The following MBNL2 variants were observed in gnomAD, a reference collection of about 807,000 sequenced individuals.
MBNL2 encodes muscleblind like splicing regulator 2.
A neutral mutation model predicts 41.9 loss-of-function variants in MBNL2; 17 were observed. The ratio of observed to expected loss-of-function variants is 0.41; its 90% CI spans 0.28 to 0.61. The LOEUF is 0.61. MBNL2 is among the 20% of genes least tolerant of loss of function. The probability of loss-of-function intolerance (pLI) is 0.35; values close to 1 mark genes in which losing one functional copy is unlikely to be tolerated. For missense variants in MBNL2, 336 were observed against 505.6 expected, an observed-to-expected ratio of 0.66 and a Z score of 3.22; for synonymous variants, 195 against 182.9, an observed-to-expected ratio of 1.07 and a Z score of -0.53.
At chr13:97,375,169 C>G (rs776490912) in intron 8 of MBNL2, among the ~76,000 whole-genome samples, 4 of 152,212 alleles carry the variant, frequency 2.6e-5, no homozygotes, top group Non-Finnish European at 5.9e-5. Flanking sequence ...CAAAGACACA[C>G]TGGCATTTGC....
intron 8 of MBNL2, among the ~76,000 whole-genome samples, chr13:97,368,919 C>A (rs2064112655): frequency 6.6e-6 from 1 of 152,144 alleles, no homozygotes; most frequent in Non-Finnish European, 1.5e-5. Flanking sequence ...AAAGGAGTAC[C>A]TGACAGTAGC....
chr13:97,189,132 G>A, the MBNL2 span, among the ~76,000 whole-genome samples: 2 of 151,746 alleles, frequency 1.3e-5, no homozygotes, highest in Non-Finnish European at 2.9e-5. Context: ...GGCCTCAAGC[G>A]ACCCCCTAAC....
At chr13:97,345,047 T>C (rs887123446) in intron 4 of MBNL2, among the ~76,000 whole-genome samples, 1 of 147,904 alleles carries the variant, frequency 6.8e-6, no homozygotes, top group Non-Finnish European at 1.5e-5. Context: ...TTGCGCATTT[T>C]ATGAACTAAA....
At chr13:97,194,271 C>A in the MBNL2 span, among the ~76,000 whole-genome samples, 54 of 152,330 alleles carry the variant, frequency 3.5e-4, no homozygotes, top group African/African-American at 1.3e-3. Context: ...GGAGAGGGAT[C>A]CTTTCCATTT....
chr13:97,162,071 T>C, the MBNL2 span, among the ~76,000 whole-genome samples: 1 of 152,142 alleles, frequency 6.6e-6, no homozygotes, highest in African/African-American at 2.4e-5. Context: ...GGAAGCTGAC[T>C]GGCGTAGGAG....
the MBNL2 span, among the ~76,000 whole-genome samples, chr13:97,162,349 A>AG: frequency 1.3e-5 from 2 of 152,196 alleles, no homozygotes; most frequent in Admixed American, 1.3e-4. Flanking sequence ...AGAAGAGGAA[A>AG]GAGACGGCTT....
chr13:97,329,464 G>C (rs61972769), intron 2 of MBNL2, among the ~76,000 whole-genome samples: 49,601 of 151,812 alleles, frequency 0.33, 10,411 homozygotes, highest in African/African-American at 0.6. Context: ...CTCCCATTGT[G>C]TGGCTTCTTC....
At chr13:97,371,244 T>C (rs1435540823) in intron 8 of MBNL2, among the ~76,000 whole-genome samples, 1 of 152,212 alleles carries the variant, frequency 6.6e-6, no homozygotes, top group East Asian at 1.9e-4. Flanking sequence ...AAACAGATCA[T>C]TTAATTTACT....
the MBNL2 span, among the ~76,000 whole-genome samples, chr13:97,163,144 A>G: frequency 2.0e-5 from 3 of 152,236 alleles, no homozygotes; most frequent in African/African-American, 7.2e-5. Flanking sequence ...CAGAAGAAGC[A>G]TTACAGCATC....
chr13:97,291,425 T>C (rs1398207709), intron 2 of MBNL2, among the ~76,000 whole-genome samples: 1 of 151,996 alleles, frequency 6.6e-6, no homozygotes, highest in African/African-American at 2.4e-5. Flanking sequence ...GTATTTTTAG[T>C]AGAGACCGGG....
intron 1 of MBNL2, among the ~76,000 whole-genome samples, chr13:97,240,753 A>G (rs1011505308): frequency 2.6e-5 from 4 of 152,216 alleles, no homozygotes; most frequent in African/African-American, 9.7e-5. Context: ...TTCTAGGATG[A>G]TTGAAATGTA....
chr13:97,383,507 T>G (rs1170271671), intron 8 of MBNL2, among the ~76,000 whole-genome samples: 1 of 152,194 alleles, frequency 6.6e-6, no homozygotes, highest in African/African-American at 2.4e-5. Flanking sequence ...TCAAATATAA[T>G]CAAGTGGAAA....
At chr13:97,328,954 G>A (rs9584551) in intron 2 of MBNL2, among the ~76,000 whole-genome samples, 25,979 of 152,042 alleles carry the variant, frequency 0.17, 4,689 homozygotes, top group African/African-American at 0.46. Flanking sequence ...TCTCACAGCA[G>A]CCTGATTCTG....
chr13:97,334,317 G>A lies in MBNL2; in HGVS notation c.216G>A (p.Pro72=), dbSNP rs772319502. The A allele has an allele frequency of 1.7e-5, 28 of 1,613,124 alleles. No homozygotes were observed. The highest frequency in any genetic ancestry group is 8.9e-5 in the East Asian group (4 of 44,800). ...AGAACTGCAAGTATCTTCACCCTCC[G>A]ACACACTTAAAAACTCAACTAGAAA... ...SRENCKYLHP[P]THLKTQLEIN... The change falls in exon 3 of 9, where the codon CCG becomes CCA. Residue 72 remains proline (P), a synonymous_variant. Coordinates refer to ENST00000679496, the MANE Select transcript of MBNL2 (RefSeq NM_001382683.1). This position sits in a 1 kb window ranked among gnomAD's most constrained non-coding sequence, Gnocchi z 5.3.
chr13:97,330,107 A>T (rs1294353862), intron 2 of MBNL2, among the ~76,000 whole-genome samples: 2 of 152,230 alleles, frequency 1.3e-5, no homozygotes, highest in East Asian at 3.8e-4. Context: ...TTGTTTAACT[A>T]GCACTAAGCA....
intron 1 of MBNL2, among the ~76,000 whole-genome samples, chr13:97,239,124 A>G (rs2043813772): frequency 6.6e-6 from 1 of 152,256 alleles, no homozygotes; most frequent in Admixed American, 6.5e-5. Flanking sequence ...ACTGCAATAC[A>G]GAGACTGCTG....
intron 1 of MBNL2, among the ~76,000 whole-genome samples, chr13:97,231,976 T>A (rs1225624067): frequency 2.0e-5 from 3 of 152,204 alleles, no homozygotes; most frequent in Admixed American, 1.3e-4. Context: ...AAGATGTAGA[T>A]AGCGCCATTC....
chr13:97,260,746 A>G (rs531835976), intron 1 of MBNL2, among the ~76,000 whole-genome samples: 49 of 152,308 alleles, frequency 3.2e-4, no homozygotes, highest in African/African-American at 1.2e-3. Context: ...AAAACCACAC[A>G]AGAGAGTGGT....
chr13:97,390,546 C>A (rs2066317501), intron 8 of MBNL2, among the ~76,000 whole-genome samples: 1 of 152,092 alleles, frequency 6.6e-6, no homozygotes, highest in African/African-American at 2.4e-5. Context: ...TGGCTTTTAA[C>A]CTTGACATTT....
Sources: gnomAD v4.1 joint callset for allele counts (sites outside exome capture counted in the v4.1 genomes callset) on GRCh38, gnomAD v4.1.1 for gene constraint, Gnocchi (gnomAD v3.1) non-coding constraint, MANE v1.5 for transcripts, NCBI Gene and HGNC (gene_info 2026-07-23, HGNC 2026-07-21) for gene names.